Variants in LIPG observed in about 807,000 individuals in gnomAD.
LIPG encodes the protein lipase G, endothelial type, also known as endothelial lipase.
Under a neutral mutation model 51.8 loss-of-function variants are expected in LIPG, and 34 were observed. The ratio of observed to expected loss-of-function variants is 0.66; its 90% CI spans 0.50 to 0.87. The LOEUF (loss-of-function observed/expected upper bound fraction) is 0.87. LIPG is among the 40% of genes least tolerant of loss of function. The pLI, the probability that LIPG is intolerant of heterozygous loss-of-function variation, is 0.00. For synonymous variants in LIPG, 246 were observed against 246.1 expected (o/e 1.00, Z 0.00); for missense variants, 580 against 652.7 (o/e 0.89, Z 1.21).
chr18:49,570,496 T>C (rs2084651052), intron 4 of LIPG, among the ~76,000 whole-genome samples: 1 of 152,168 alleles, frequency 6.6e-6, no homozygotes, highest in Admixed American at 6.5e-5. Context: ...CCTAGAAGGA[T>C]AGATCTGAAC....
intron 1 of LIPG, among the ~76,000 whole-genome samples, chr18:49,564,925 T>C (rs886112837): frequency 6.6e-6 from 1 of 152,186 alleles, no homozygotes; most frequent in Non-Finnish European, 1.5e-5. Context: ...CATGATGCCT[T>C]TCTAAAATCT....
At position 49,597,936 on chromosome 18, in the gene LIPG, G is replaced by T. The variant is rs1278262633; in HGVS notation, c.*7414G>T. ...GTTATTATCCCAAGGCAACTTCAGT[G>T]GGCTTGTTTTGAAGTCAAAGCCTCA... is the stretch of plus-strand genomic sequence containing the variant. On this transcript the variant is annotated 3_prime_UTR_variant, in exon 10 of 10. Transcript: ENST00000261292. 6.6e-6 allele frequency: 1 copy of T among 152,176 alleles called. No homozygotes were observed. The highest frequency in any genetic ancestry group is 1.9e-4 in the East Asian group (1 of 5,204). 9.4% of individuals were successfully genotyped at this position (152,176 alleles called of 1,614,324 possible).
intron 5 of LIPG, among the ~76,000 whole-genome samples, chr18:49,576,912 G>A (rs1470082509): frequency 1.3e-5 from 2 of 152,122 alleles, no homozygotes; most frequent in African/African-American, 4.8e-5. Context: ...GCATCTTGCT[G>A]TTATGGATAT....
chr18:49,580,419 A>G (rs1248665541), intron 5 of LIPG, among the ~76,000 whole-genome samples: 1 of 152,214 alleles, frequency 6.6e-6, no homozygotes, highest in Non-Finnish European at 1.5e-5. Context: ...CTGATGTAGC[A>G]TGAAAGTAGC....
At chr18:49,566,846 C>A (rs1200239413) in intron 2 of LIPG, among the ~76,000 whole-genome samples, 1 of 152,198 alleles carries the variant, frequency 6.6e-6, no homozygotes, top group East Asian at 1.9e-4. Context: ...CCAGTATCAC[C>A]CTTAACACGT....
chr18:49,583,717 C>A lies in LIPG; in HGVS notation c.1319C>A (p.Pro440His). The A allele has an allele frequency of 2.5e-6, 4 of 1,614,092 alleles. No homozygotes were observed. Among genetic ancestry groups the A allele is most frequent in the Non-Finnish European group, 3.4e-6 (4 of 1,180,032 alleles). The change falls in exon 8 of 10, where the codon CCC becomes CAC. Residue 440 changes from proline (P) to histidine (H), a missense_variant. Coordinates refer to ENST00000261292, the MANE Select transcript of LIPG (RefSeq NM_006033.4). ...AGCTACCTGTCTCAACCCCGCAACC[C>A]CGGACGGGAGCTGAATATCAGGCGC... The part of the protein sequence containing the change: ...FRSYLSQPRN[P>H]GRELNIRRIR...
At chr18:49,577,757 A>C (rs1334331039) in intron 5 of LIPG, among the ~76,000 whole-genome samples, 4 of 64,540 alleles carry the variant, frequency 6.2e-5, no homozygotes, top group East Asian at 3.9e-4. Context: ...TGACCCCCCC[A>C]CCTCCCTCCC....
Position 49,599,064 on chromosome 18 carries a change from G to C in LIPG, c.*8542G>C, listed in dbSNP as rs2084996383. 6.6e-6 allele frequency: 1 copy of C among 152,220 alleles called. No homozygotes were observed. Among genetic ancestry groups the C allele is most frequent in the South Asian group, 2.1e-4 (1 of 4,830 alleles). The allele number at this position is 152,220 out of a possible 1,614,324, so 9.4% of individuals were successfully genotyped here. A position where few individuals can be genotyped will look rare whatever the true frequency, so the allele number is the denominator to read the frequency against. On this transcript the variant is annotated 3_prime_UTR_variant, in exon 10 of 10. Transcript: ENST00000261292. Reference sequence around the variant, plus strand: ...TGAGTTATTAGAGTAATGCTACTATGAACATTTGCATATGAATCCTTGTAT... The same window carrying C: ...TGAGTTATTAGAGTAATGCTACTATCAACATTTGCATATGAATCCTTGTAT...
At chr18:49,582,338 A>C in intron 6 of LIPG, 24 bp from the exon 7 acceptor site, 1 of 1,614,122 alleles carries the variant, frequency 6.2e-7, no homozygotes. Context: ...GGTTACAAGC[A>C]TCTTTGTTCT....
chr18:49,579,673 A>G (rs899268628), intron 5 of LIPG, among the ~76,000 whole-genome samples: 36 of 152,138 alleles, frequency 2.4e-4, no homozygotes, highest in African/African-American at 7.2e-4. Context: ...TAATCCAAGT[A>G]GCTCTGCAGG....
In LIPG at chr18:49,583,770, C is replaced by T. The variant is rs769490055; in HGVS notation, c.1372C>T (p.Arg458Trp). ...RIRVKSGETQRKLTFCTEDPE... is the reference protein window; with the variant it reads ...RIRVKSGETQWKLTFCTEDPE... Reference sequence around the variant, plus strand: ...CCGGGTGAAGTCTGGGGAAACCCAGCGGAAGTAAGTGCCTCCTGCTCCTTC... The same window carrying T: ...CCGGGTGAAGTCTGGGGAAACCCAGTGGAAGTAAGTGCCTCCTGCTCCTTC... The change falls in exon 8 of 10, where the codon CGG becomes TGG. Residue 458 changes from arginine to tryptophan, a missense_variant. Transcript: ENST00000261292. 15 of 1,610,140 alleles carry T rather than the reference C, an allele frequency of 9.3e-6. No homozygotes were observed. Among genetic ancestry groups the T allele is most frequent in the Admixed American group, 3.4e-5 (2 of 59,692 alleles).
chr18:49,585,496 A>C (rs1464806865), intron 8 of LIPG, among the ~76,000 whole-genome samples: 1 of 152,266 alleles, frequency 6.6e-6, no homozygotes, highest in Non-Finnish European at 1.5e-5. Flanking sequence ...TATCCAAAAC[A>C]TAAAGATCTA....
chr18:49,591,172 G>A lies in LIPG; in HGVS notation c.*650G>A, dbSNP rs911533685. The A allele has an allele frequency of 1.9e-5, 3 of 161,138 alleles. No individual in the cohort carries two copies. The highest frequency in any genetic ancestry group is 4.8e-5 in the African/African-American group (2 of 41,494). The allele number at this position is 161,138 out of a possible 1,614,324, so 10.0% of individuals were successfully genotyped here. ...GAACACTTAAAATTAATTAGAATGT[G>A]GTAATGGACATATTACTGAGCCTCT... On this transcript the variant is annotated 3_prime_UTR_variant, in exon 10 of 10. Transcript: ENST00000261292.
chr18:49,561,718 C>T, upstream of LIPG: 13 of 1,244,432 alleles, frequency 1.0e-5, no homozygotes, highest in Non-Finnish European at 1.3e-5. Flanking sequence ...GCCTCCCCAG[C>T]GGACGCAGAG....
intron 2 of LIPG, 128 bp downstream of exon 2, chr18:49,565,626 T>A: frequency 9.7e-7 from 1 of 1,027,960 alleles, no homozygotes; most frequent in Non-Finnish European, 1.5e-6. Flanking sequence ...GGGCTGCTTG[T>A]ATTTCAGACA....
intron 4 of LIPG, among the ~76,000 whole-genome samples, chr18:49,574,757 A>G (rs1187319751): frequency 2.6e-5 from 4 of 152,168 alleles, no homozygotes; most frequent in Non-Finnish European, 4.4e-5. Context: ...TGGCTGCAAA[A>G]TAGAGGAATT....
At chr18:49,577,021 TA>T (rs2148851298) in intron 5 of LIPG, among the ~76,000 whole-genome samples, 1 of 150,652 alleles carries the variant, frequency 6.6e-6, no homozygotes, top group African/African-American at 2.5e-5. Flanking sequence ...ATTTTTTATT[TA>T]TTTATTTTTT....
At chr18:49,571,216 C>T (rs1483456787) in intron 4 of LIPG, among the ~76,000 whole-genome samples, 1 of 152,206 alleles carries the variant, frequency 6.6e-6, no homozygotes, top group African/African-American at 2.4e-5. Context: ...TGTCTGAGCG[C>T]CTCTTCCTAG....
chr18:49,590,339 C>T (rs1440720671), intron 9 of LIPG, 162 bp from the exon 10 acceptor site: 23 of 794,926 alleles, frequency 2.9e-5, no homozygotes, highest in Middle Eastern at 2.8e-4. Flanking sequence ...AGGCAGCACT[C>T]GGGACCTTGT....
Sources: allele counts gnomAD v4.1 joint callset (sites outside exome capture counted in the v4.1 genomes callset), GRCh38; gene constraint gnomAD v4.1.1; transcripts MANE v1.5; gene names NCBI Gene and HGNC (gene_info 2026-07-23, HGNC 2026-07-21).